Variants in SYNE1 observed in about 807,000 individuals in gnomAD.
SYNE1 encodes nesprin-1.
Under a neutral mutation model 1,111.0 loss-of-function variants are expected in SYNE1, and 616 were observed. That is an observed-to-expected ratio of 0.55 (90% CI 0.52 to 0.59). SYNE1 has a LOEUF of 0.59. Ranked by LOEUF, SYNE1 falls within the 20% of genes least tolerant of loss-of-function variation. The probability of loss-of-function intolerance (pLI) is 0.00; values close to 1 mark genes in which losing one functional copy is unlikely to be tolerated. For missense variants in SYNE1, 10,006 were observed against 10,417.0 expected (o/e 0.96, Z 1.72); for synonymous variants, 3,855 against 3,825.8 (o/e 1.01, Z -0.28).
intron 12 of SYNE1, among the ~76,000 whole-genome samples, chr6:152,486,089 G>GGAGGCTGAGGCAGGAGAATCGCTT (rs1385741516): frequency 6.6e-6 from 1 of 152,088 alleles, no homozygotes; most frequent in Non-Finnish European, 1.5e-5. Flanking sequence ...CAGCTACTCA[G>GGAGGCTGAGGCAGGAGAATCGCTT]GAGGCTGAGG....
intron 3 of SYNE1, 84 bp downstream of exon 3, chr6:152,628,181 G>C (rs1583704748): frequency 7.5e-6 from 11 of 1,457,296 alleles, no homozygotes; most frequent in East Asian, 6.8e-5. Flanking sequence ...CCATGAAATT[G>C]AGTAAAACCC....
chr6:152,271,107 T>C (rs1589123242), intron 98 of SYNE1, among the ~76,000 whole-genome samples: 1 of 152,172 alleles, frequency 6.6e-6, no homozygotes, highest in Admixed American at 6.5e-5. Flanking sequence ...GAGCACAACA[T>C]GGGACCCAGC....
chr6:152,195,476 C>T (rs1416118751), intron 127 of SYNE1, among the ~76,000 whole-genome samples: 1 of 152,092 alleles, frequency 6.6e-6, no homozygotes, highest in Admixed American at 6.5e-5. Context: ...GGAGTTGTGA[C>T]CTAAGTTTTT....
intron 59 of SYNE1, among the ~76,000 whole-genome samples, chr6:152,372,381 G>A (rs6557216): frequency 0.6 from 91,675 of 151,966 alleles, 27,805 homozygotes; most frequent in African/African-American, 0.69. Flanking sequence ...ATTAATAATG[G>A]TCACAAACAA....
chr6:152,600,856 T>C (rs1214492387), intron 3 of SYNE1, among the ~76,000 whole-genome samples: 1 of 152,182 alleles, frequency 6.6e-6, no homozygotes, highest in Non-Finnish European at 1.5e-5. Flanking sequence ...GTATGCACTG[T>C]GAAATTAAAA....
Position 152,359,464 on chromosome 6 carries a change from G to C in SYNE1, c.10300-6C>G. On this transcript the variant is annotated splice_polypyrimidine_tract_variant and splice_region_variant and intron_variant, in intron 64 of 145. Coordinates refer to ENST00000367255, the MANE Select transcript of SYNE1 (RefSeq NM_182961.4). ...AGCACTTCTTCATTTAATAACTAGA[G>C]AGCATTTAAGAAAAATAAAGTGGCC... The C allele has an allele frequency of 6.2e-7, 1 of 1,614,054 alleles. No individual in the cohort carries two copies. Among genetic ancestry groups the C allele is most frequent in the Non-Finnish European group, 8.5e-7 (1 of 1,179,998 alleles).
At position 152,636,709 on chromosome 6, in the gene SYNE1, C is replaced by G. The variant is rs1311593425; in HGVS notation, c.-295G>C. ...GCGAACGCTTCCTCCCGGCTCTCTG[C>G]GCCCAGGCTCGGCGGGACCCCGGGG... On this transcript the variant is annotated 5_prime_UTR_variant, in exon 2 of 146. Coordinates refer to ENST00000367255, the MANE Select transcript of SYNE1 (RefSeq NM_182961.4). 2 of 152,478 alleles carry G rather than the reference C, an allele frequency of 1.3e-5. No homozygotes were observed. Among genetic ancestry groups the G allele is most frequent in the Admixed American group, 1.3e-4 (2 of 15,312 alleles). 9.4% of individuals were successfully genotyped at this position (152,478 alleles called of 1,614,324 possible).
In SYNE1 at chr6:152,122,587, G is replaced by A; in HGVS notation, c.26243C>T (p.Ala8748Val). The change falls in exon 146 of 146, where the codon GCT becomes GTT. Residue 8748 changes from alanine to valine, a missense_variant. Coordinates refer to ENST00000367255, the MANE Select transcript of SYNE1 (RefSeq NM_182961.4). ...GAGCAGGAGAAGCTGAAGGGGAAGA[G>A]CTGCTCGGAGGACTCTGAACAGGAA... Reference protein sequence around the residue: ...RGFLFRVLRAALPLQLLLLLL... With the variant: ...RGFLFRVLRAVLPLQLLLLLL... The A allele has an allele frequency of 6.2e-7, 1 of 1,614,226 alleles. No homozygotes were observed. Among genetic ancestry groups the A allele is most frequent in the Admixed American group, 1.7e-5 (1 of 60,030 alleles).
rs375736389 is a variant in SYNE1, at chr6:152,510,238, T to C, written c.536A>G (p.Asn179Ser). ...CCACTTTAATAAAGCCTTCTTAGCA[T>C]TTCCTTGGATCTTGGTGGTCACCTT... ...KRKVTTKIQG[N>S]AKKALLKWVQ... The change falls in exon 8 of 146, where the codon AAT (asparagine) becomes AGT (serine). Residue 179 changes from asparagine (N) to serine (S), a missense_variant. Physicochemically the swap from Asn to Ser is conservative, Grantham distance 46 (BLOSUM62 1). This residue lies in a region of SYNE1 where 1,971 missense variants were observed against 2,084.1 expected (regional missense o/e 0.95). Coordinates refer to ENST00000367255, the MANE Select transcript of SYNE1 (RefSeq NM_182961.4). The C allele has an allele frequency of 1.9e-6, 3 of 1,614,110 alleles. No individual in the cohort carries two copies. Among genetic ancestry groups the C allele is most frequent in the Non-Finnish European group, 2.5e-6 (3 of 1,179,972 alleles).
intron 137 of SYNE1, chr6:152,144,780 C>T (rs1274599531): frequency 6.5e-6 from 1 of 152,986 alleles, no homozygotes; most frequent in Non-Finnish European, 1.5e-5. Context: ...TATTCCCCGC[C>T]GACATCCCAC....
intron 16 of SYNE1, among the ~76,000 whole-genome samples, chr6:152,467,682 A>G (rs955606807): frequency 1.3e-5 from 2 of 152,172 alleles, no homozygotes. Context: ...GAGGCAGGAA[A>G]GAGGGGAGAA....
At chr6:152,289,781 CA>C (rs2094497876) in intron 95 of SYNE1, among the ~76,000 whole-genome samples, 1 of 152,200 alleles carries the variant, frequency 6.6e-6, no homozygotes, top group South Asian at 2.1e-4. Flanking sequence ...CGCCCACCAC[CA>C]TGCCTGGCTA....
intron 87 of SYNE1, among the ~76,000 whole-genome samples, chr6:152,311,458 T>A (rs569517017): frequency 5.9e-5 from 9 of 152,318 alleles, no homozygotes; most frequent in Non-Finnish European, 7.3e-5. Flanking sequence ...CTACTGGGTC[T>A]ATCAGAAATA....
At chr6:152,299,955 A>G (rs552536904) in intron 93 of SYNE1, among the ~76,000 whole-genome samples, 3 of 152,330 alleles carry the variant, frequency 2.0e-5, no homozygotes, top group African/African-American at 4.8e-5. Context: ...CTATAAAGGC[A>G]TATTTTTGAT....
chr6:152,597,430 A>C (rs2128598109), intron 3 of SYNE1, among the ~76,000 whole-genome samples: 1 of 152,228 alleles, frequency 6.6e-6, no homozygotes, highest in South Asian at 2.1e-4. Context: ...ACAGATGTGC[A>C]CCACCATGTC....
intron 95 of SYNE1, among the ~76,000 whole-genome samples, chr6:152,292,811 G>A (rs2094672345): frequency 6.6e-6 from 1 of 152,128 alleles, no homozygotes; most frequent in Non-Finnish European, 1.5e-5. Context: ...CTGGGTTCTT[G>A]TCCCAGCCAG....
Position 152,354,902 on chromosome 6 carries a change from T to A in SYNE1, c.10683A>T (p.Pro3561=), listed in dbSNP as rs2096806981. ...GGTCCTCTGCCTGTGGGATACCTGA[T>A]GGGATCACATCCTCTCTGGTGTGCA... is the stretch of plus-strand genomic sequence containing the variant. ...SVLHTREDVI[P]SGIPQAEDRA... Residue 3561 remains proline (P), a synonymous_variant, in exon 67 of 146, where the codon CCA becomes CCT. Transcript: ENST00000367255. 1 of 1,614,176 alleles carries A rather than the reference T, an allele frequency of 6.2e-7. No individual in the cohort carries two copies. The highest frequency in any genetic ancestry group is 2.2e-5 in the East Asian group (1 of 44,878).
At chr6:152,442,035 C>A (rs1564048301) in intron 31 of SYNE1, 40 bp downstream of exon 31, 1 of 1,612,566 alleles carries the variant, frequency 6.2e-7, no homozygotes. Context: ...TGAACACTGC[C>A]CAGCCTCTGT....
intron 117 of SYNE1, among the ~76,000 whole-genome samples, chr6:152,223,812 T>A (rs1349400166): frequency 6.6e-6 from 1 of 152,154 alleles, no homozygotes; most frequent in Non-Finnish European, 1.5e-5. Context: ...GCCCTGCCCA[T>A]CCCATAGTCT....
Sources: allele counts gnomAD v4.1 joint callset (sites outside exome capture counted in the v4.1 genomes callset), GRCh38; gene constraint gnomAD v4.1.1; regional missense constraint gnomAD v4.1.1; transcripts MANE v1.5; gene names NCBI Gene and HGNC (gene_info 2026-07-23, HGNC 2026-07-21).